SH3PXD2B: variants seen among roughly 807,000 people sequenced by gnomAD.
The protein encoded by SH3PXD2B is SH3 and PX domain-containing protein 2B.
A neutral mutation model predicts 73.1 loss-of-function variants in SH3PXD2B; 37 were observed. That is an observed-to-expected ratio of 0.51 (90% CI 0.39 to 0.67). The LOEUF is 0.67. Among genes scored for constraint, SH3PXD2B ranks in the 30% least tolerant of loss-of-function variants. The pLI is 0.00. For synonymous variants in SH3PXD2B, 457 were observed against 480.5 expected (o/e 0.95, Z 0.64); for missense variants, 1,053 against 1,197.8 (o/e 0.88, Z 1.78).
At chr5:172,433,587 A>G (rs1168441414) in intron 1 of SH3PXD2B, among the ~76,000 whole-genome samples, 1 of 152,158 alleles carries the variant, frequency 6.6e-6, no homozygotes, top group Non-Finnish European at 1.5e-5. Flanking sequence ...AGGGCCACCA[A>G]GGAGCCCCTG....
In SH3PXD2B at chr5:172,373,765, A is replaced by G. The variant is rs201400109; in HGVS notation, c.427+25T>C. ...GGAGTTTGCCGAAAACTGAACGAAG[A>G]GAAGAAAATAGAAAATATTCTTACC... On this transcript the variant is annotated intron_variant, in intron 6 of 12. Transcript: ENST00000311601. The G allele has an allele frequency of 9.4e-5, 152 of 1,611,082 alleles. No homozygotes were observed. In the African/African-American group the frequency reaches 1.8e-3, roughly 19 times the overall value.
At chr5:172,342,050 A>T (rs2113262769) in intron 12 of SH3PXD2B, among the ~76,000 whole-genome samples, 1 of 152,254 alleles carries the variant, frequency 6.6e-6, no homozygotes, top group South Asian at 2.1e-4. Flanking sequence ...ATTAGAAAAC[A>T]CACAGGGACT....
chr5:172,433,339 T>G (rs952495196), intron 1 of SH3PXD2B, among the ~76,000 whole-genome samples: 2 of 152,192 alleles, frequency 1.3e-5, no homozygotes, highest in African/African-American at 4.8e-5. Flanking sequence ...TGTTGTTAAA[T>G]GACACATGAC....
At chr5:172,403,277 A>G (rs1450678989) in intron 3 of SH3PXD2B, among the ~76,000 whole-genome samples, 1 of 152,186 alleles carries the variant, frequency 6.6e-6, no homozygotes, top group Non-Finnish European at 1.5e-5. Context: ...CCTGGGATGG[A>G]AAACTGTGCA....
chr5:172,335,602 G>A lies in SH3PXD2B; in HGVS notation c.*2767C>T, dbSNP rs1456751892. ...GTGTGTGTTTAGGCACTGGTCACCA[G>A]CCCGGTGCTTGGCACCATTGTCACG... On this transcript the variant is annotated 3_prime_UTR_variant, in exon 13 of 13. Coordinates refer to ENST00000311601, the MANE Select transcript of SH3PXD2B (RefSeq NM_001017995.3). 3.2e-6 allele frequency: 4 copies of A among 1,231,770 alleles called. No individual in the cohort carries two copies. Among genetic ancestry groups the A allele is most frequent in the African/African-American group, 1.6e-5 (1 of 64,444 alleles). The allele number at this position is 1,231,770 out of a possible 1,614,324, so 76.3% of individuals were successfully genotyped here.
intron 1 of SH3PXD2B, among the ~76,000 whole-genome samples, chr5:172,451,322 C>A (rs142267732): frequency 6.6e-6 from 1 of 152,164 alleles, no homozygotes; most frequent in Non-Finnish European, 1.5e-5. Context: ...GAAGAGGACT[C>A]TCAAAAACTG....
intron 3 of SH3PXD2B, among the ~76,000 whole-genome samples, chr5:172,398,123 T>C (rs977653451): frequency 2.0e-5 from 3 of 152,212 alleles, no homozygotes; most frequent in Non-Finnish European, 2.9e-5. Flanking sequence ...GTGTTTCTGG[T>C]AAAAAAGAAA....
rs1756630403 is a variant in SH3PXD2B, at chr5:172,334,084, C to T, written c.*4285G>A. Reference sequence around the variant, plus strand: ...TCTTTGAGGACAGAAGAGGTTGAGCCCCTCATCCCTGATTGGAGCTAAGAA... The same window carrying T: ...TCTTTGAGGACAGAAGAGGTTGAGCTCCTCATCCCTGATTGGAGCTAAGAA... On this transcript the variant is annotated 3_prime_UTR_variant, in exon 13 of 13. Transcript: ENST00000311601. The T allele has an allele frequency of 4.4e-6, 5 of 1,136,980 alleles. No homozygotes were observed. The highest frequency in any genetic ancestry group is 5.4e-6 in the Non-Finnish European group (5 of 921,436). The allele number at this position is 1,136,980 out of a possible 1,614,324, so 70.4% of individuals were successfully genotyped here.
chr5:172,453,199 T>C (rs1008403591), intron 1 of SH3PXD2B, among the ~76,000 whole-genome samples: 1 of 152,174 alleles, frequency 6.6e-6, no homozygotes, highest in Non-Finnish European at 1.5e-5. Context: ...TTTCTATTCA[T>C]TGTTCTATAC....
rs766512949 is a variant in SH3PXD2B, at chr5:172,338,708, G to A, written c.2397C>T (p.Leu799=). Residue 799 remains leucine (L), a synonymous_variant, in exon 13 of 13, where the codon CTC becomes CTT. Coordinates refer to ENST00000311601, the MANE Select transcript of SH3PXD2B (RefSeq NM_001017995.3). The surrounding 1 kb of genome is among the most constrained non-coding windows in gnomAD (Gnocchi z 5.1). ...GAAAAGGTTTGGCTTTTGGAGGGACGAGGAGAGCACGGCCTGGGGTGGGAG... is the reference window on the plus strand; with the variant it reads ...GAAAAGGTTTGGCTTTTGGAGGGACAAGGAGAGCACGGCCTGGGGTGGGAG... The part of the protein sequence containing the change: ...RAAPTPGRAL[L]VPPKAKPFLS... The A allele has an allele frequency of 2.8e-5, 45 of 1,611,850 alleles. No individual in the cohort carries two copies. The African/African-American group carries it at 4.4e-4, about 16-fold the overall frequency.
intron 1 of SH3PXD2B, among the ~76,000 whole-genome samples, chr5:172,434,372 G>T (rs1009321992): frequency 6.6e-6 from 1 of 152,166 alleles, no homozygotes; most frequent in African/African-American, 2.4e-5. Flanking sequence ...GCACCCCTGG[G>T]TTAGCTGACA....
chr5:172,347,140 T>C, intron 11 of SH3PXD2B, 143 bp downstream of exon 11: 1 of 841,102 alleles, frequency 1.2e-6, no homozygotes, highest in African/African-American at 1.7e-5. Context: ...GGGACTAGCA[T>C]TTCTACAGCC....
intron 1 of SH3PXD2B, among the ~76,000 whole-genome samples, chr5:172,423,081 A>G (rs559666425): frequency 1.3e-5 from 2 of 152,272 alleles, no homozygotes; most frequent in Non-Finnish European, 2.9e-5. Context: ...AGGATGAAGG[A>G]CCATTTTATA....
intron 1 of SH3PXD2B, among the ~76,000 whole-genome samples, chr5:172,428,167 A>T (rs1759145350): frequency 6.6e-6 from 1 of 152,250 alleles, no homozygotes; most frequent in Non-Finnish European, 1.5e-5. Flanking sequence ...TCCATGGCAC[A>T]GCCTTCAAAA....
intron 6 of SH3PXD2B, among the ~76,000 whole-genome samples, chr5:172,365,349 G>C (rs79845303): frequency 0.04 from 6,054 of 152,290 alleles, 206 homozygotes; most frequent in South Asian, 0.2. Context: ...GAGATGTTAA[G>C]TGACTTTCTC....
Position 172,382,141 on chromosome 5 carries a change from A to G in SH3PXD2B, c.310-14T>C. 6.3e-7 allele frequency: 1 copy of G among 1,595,998 alleles called. No homozygotes were observed. The highest frequency in any genetic ancestry group is 2.3e-5 in the East Asian group (1 of 44,318). On this transcript the variant is annotated splice_polypyrimidine_tract_variant and intron_variant, in intron 4 of 12. Transcript: ENST00000311601. ...CTGGATGAGGGCCTGGAGAAGAGAG[A>G]CGCAGGTGAGTGCAAAGGAGGAGAG...
In SH3PXD2B at chr5:172,339,592, A is replaced by G; in HGVS notation, c.1513T>C (p.Ser505Pro). The change falls in exon 13 of 13, where the codon TCA (serine) becomes CCA (proline). Residue 505 changes from serine to proline, a missense_variant. This residue lies in a region of SH3PXD2B where 587 missense variants were observed against 590.7 expected (regional missense o/e 0.99). Coordinates refer to ENST00000311601, the MANE Select transcript of SH3PXD2B (RefSeq NM_001017995.3). This position sits in a 1 kb window ranked among gnomAD's most constrained non-coding sequence, Gnocchi z 6.1. ...LRKASSDMSA[S>P]AGYEEISDPD... is the part of the protein sequence containing the mutation. ...TCTGAGATCTCCTCGTAGCCTGCTG[A>G]CGCAGACATGTCTGAAGATGCCTTC... is the stretch of plus-strand genomic sequence containing the variant. 1 of 1,614,200 alleles carries G rather than the reference A, an allele frequency of 6.2e-7. No homozygotes were observed. Among genetic ancestry groups the G allele is most frequent in the Admixed American group, 1.7e-5 (1 of 60,028 alleles).
chr5:172,445,370 A>G lies in SH3PXD2B; in HGVS notation c.75+8908T>C, dbSNP rs1759639317. On this transcript the variant is annotated intron_variant, in intron 1 of 12. Coordinates refer to ENST00000311601, the MANE Select transcript of SH3PXD2B (RefSeq NM_001017995.3). This position sits in a 1 kb window ranked among gnomAD's most constrained non-coding sequence, Gnocchi z 5.2. The stretch of plus-strand genomic sequence containing the variant: ...ATTGCAGGCGAGAATCATCACACCC[A>G]GCTAATTTTGTGGATTTTTAGTAGA... Among the ~76,000 whole-genome samples the G allele has an allele frequency of 2.0e-5, 3 of 152,132 alleles. No individual in the cohort carries two copies. Among genetic ancestry groups the G allele is most frequent in the Admixed American group, 1.3e-4 (2 of 15,270 alleles).
At chr5:172,434,731 GGTCCCATGACAAA>G (rs1255427428) in intron 1 of SH3PXD2B, among the ~76,000 whole-genome samples, 1 of 151,576 alleles carries the variant, frequency 6.6e-6, no homozygotes, top group Non-Finnish European at 1.5e-5. Flanking sequence ...CTGCCGCACT[GGTCCCATGACAAA>G]GTTATTACAT....
Sources: allele counts gnomAD v4.1 joint callset (sites outside exome capture counted in the v4.1 genomes callset), GRCh38; gene constraint gnomAD v4.1.1; regional missense constraint gnomAD v4.1.1; non-coding constraint Gnocchi (gnomAD v3.1); transcripts MANE v1.5; gene names NCBI Gene and HGNC (gene_info 2026-07-23, HGNC 2026-07-21).